Variants in MAPK10 observed in about 807,000 individuals in gnomAD.
MAPK10 encodes JNK3 alpha protein kinase.
In MAPK10, 25 loss-of-function variants were observed where a neutral mutation model predicts 59.3. The observed-to-expected ratio is 0.42, with a 90% CI of 0.31 to 0.59. MAPK10 has a LOEUF of 0.59. Among genes scored for constraint, MAPK10 ranks in the 20% least tolerant of loss-of-function variants. The pLI, the probability that MAPK10 is intolerant of heterozygous loss-of-function variation, is 0.15. For synonymous variants in MAPK10, 190 were observed against 200.5 expected (o/e 0.95, Z 0.44); for missense variants, 351 against 568.9 (o/e 0.62, Z 3.90).
intron 2 of MAPK10, among the ~76,000 whole-genome samples, chr4:86,220,695 A>G (rs2089286832): frequency 6.6e-6 from 1 of 152,254 alleles, no homozygotes; most frequent in Non-Finnish European, 1.5e-5. Context: ...AATTTTTAAC[A>G]GTAAACACAA....
intron 2 of MAPK10, among the ~76,000 whole-genome samples, chr4:86,261,903 G>C (rs1250503071): frequency 6.6e-6 from 1 of 152,246 alleles, no homozygotes; most frequent in Non-Finnish European, 1.5e-5. Context: ...TGCCGTGAGG[G>C]CTAGTTCCAC....
intron 1 of MAPK10, among the ~76,000 whole-genome samples, chr4:86,461,469 C>G (rs1018608512): frequency 1.3e-5 from 2 of 152,194 alleles, no homozygotes; most frequent in Admixed American, 6.5e-5. Context: ...AATTCCAGCA[C>G]TTTGGGAGGC....
chr4:86,319,912 T>A (rs531623911), intron 2 of MAPK10, among the ~76,000 whole-genome samples: 1 of 152,322 alleles, frequency 6.6e-6, no homozygotes, highest in South Asian at 2.1e-4. Flanking sequence ...CTCTTTCTAC[T>A]CTCTCCCTCA....
chr4:86,300,137 C>CCCA (rs2095441913), intron 2 of MAPK10, among the ~76,000 whole-genome samples: 1 of 152,146 alleles, frequency 6.6e-6, no homozygotes, highest in Non-Finnish European at 1.5e-5. Context: ...AAGTGATCTG[C>CCCA]CCACCTCGGC....
chr4:86,103,119 T>TGTGTG, intron 6 of MAPK10, 67 bp downstream of exon 6: 3 of 601,900 alleles, frequency 5.0e-6, no homozygotes, highest in Non-Finnish European at 8.5e-6. Flanking sequence ...GTGTGTGTGG[T>TGTGTG]GTGTGATTTT....
chr4:86,168,756 C>T (rs1484463562), intron 3 of MAPK10, among the ~76,000 whole-genome samples: 1 of 152,176 alleles, frequency 6.6e-6, no homozygotes, highest in African/African-American at 2.4e-5. Flanking sequence ...GGCAGACTGC[C>T]TCCTCAAGTG....
At position 86,067,769 on chromosome 4, in the gene MAPK10, A is replaced by G. The variant is rs765354580; in HGVS notation, c.985+4T>C. The G allele has an allele frequency of 3.1e-6, 5 of 1,606,958 alleles. No homozygotes were observed. Among genetic ancestry groups the G allele is most frequent in the East Asian group, 4.5e-5 (2 of 44,862 alleles). On this transcript the variant is annotated splice_donor_region_variant and intron_variant, in intron 10 of 13. Coordinates refer to ENST00000641462, the MANE Select transcript of MAPK10 (RefSeq NM_138982.4). The stretch of plus-strand genomic sequence containing the variant: ...TGTCCTCAAGTCATTCCTGAAGGGC[A>G]TACCTTTGAGTTTATTGTGCTCGGA...
intron 2 of MAPK10, among the ~76,000 whole-genome samples, chr4:86,276,465 GAT>G (rs2094578517): frequency 1.3e-5 from 2 of 151,962 alleles, no homozygotes; most frequent in Non-Finnish European, 2.9e-5. Flanking sequence ...TTAAAAAAAA[GAT>G]ACATGCTTGC....
intron 1 of MAPK10, chr4:86,358,158 T>C: frequency 1.0e-6 from 1 of 984,024 alleles, no homozygotes; most frequent in Non-Finnish European, 1.2e-6. Flanking sequence ...CAGAAGCTTG[T>C]GATATACTTA....
intron 1 of MAPK10, among the ~76,000 whole-genome samples, chr4:86,477,100 A>G (rs1282326405): frequency 2.0e-5 from 3 of 152,188 alleles, no homozygotes; most frequent in African/African-American, 7.2e-5. Flanking sequence ...CTACAGGACC[A>G]TCACAGATGC....
At chr4:86,536,938 A>T (rs547939294) in intron 1 of MAPK10, among the ~76,000 whole-genome samples, 1 of 152,292 alleles carries the variant, frequency 6.6e-6, no homozygotes. Flanking sequence ...GCAGCAGGAT[A>T]GGGAAAGCCA....
At chr4:86,582,655 A>G (rs1258201870) in intron 1 of MAPK10, among the ~76,000 whole-genome samples, 1 of 152,216 alleles carries the variant, frequency 6.6e-6, no homozygotes, top group Non-Finnish European at 1.5e-5. Context: ...CACTGTGGGA[A>G]AAGAGAGAGG....
At chr4:86,503,251 A>G (rs1299545913) in intron 1 of MAPK10, among the ~76,000 whole-genome samples, 1 of 152,098 alleles carries the variant, frequency 6.6e-6, no homozygotes, top group Non-Finnish European at 1.5e-5. Context: ...CTCTGGCTCT[A>G]TATTCCTTCA....
chr4:86,125,064 A>G (rs1460803427), intron 4 of MAPK10: 2 of 152,032 alleles, frequency 1.3e-5, no homozygotes, highest in Non-Finnish European at 2.9e-5. Flanking sequence ...AATATTTTCA[A>G]TTAATAAAAA....
chr4:86,151,793 AT>A (rs571048420), intron 4 of MAPK10, among the ~76,000 whole-genome samples: 3 of 152,124 alleles, frequency 2.0e-5, no homozygotes, highest in Non-Finnish European at 4.4e-5. Flanking sequence ...TTGGCTTATA[AT>A]TTTCCTCTGC....
intron 1 of MAPK10, among the ~76,000 whole-genome samples, chr4:86,375,304 C>T (rs977969532): frequency 6.6e-6 from 1 of 151,940 alleles, no homozygotes; most frequent in Admixed American, 6.6e-5. Flanking sequence ...ATCTACAATA[C>T]AAATAGAAAA....
chr4:86,097,421 T>C (rs2054452776), intron 9 of MAPK10, among the ~76,000 whole-genome samples: 1 of 151,994 alleles, frequency 6.6e-6, no homozygotes, highest in Admixed American at 6.6e-5. Context: ...ATTGGACTTT[T>C]TAAACACCTC....
At chr4:86,195,945 T>G (rs528615553) in intron 2 of MAPK10, among the ~76,000 whole-genome samples, 14 of 152,330 alleles carry the variant, frequency 9.2e-5, no homozygotes, top group African/African-American at 3.4e-4. Flanking sequence ...ATATGTGTCA[T>G]ATTTTCTTCA....
At chr4:86,263,922 T>G (rs1021656056) in intron 2 of MAPK10, among the ~76,000 whole-genome samples, 2 of 152,202 alleles carry the variant, frequency 1.3e-5, no homozygotes, top group African/African-American at 4.8e-5. Context: ...TCCATTCAGC[T>G]AAATAGAGAG....
Sources: allele counts gnomAD v4.1 joint callset (sites outside exome capture counted in the v4.1 genomes callset), GRCh38; gene constraint gnomAD v4.1.1; transcripts MANE v1.5; gene names NCBI Gene and HGNC (gene_info 2026-07-23, HGNC 2026-07-21).